Variants in TMEM260 observed in about 807,000 individuals in gnomAD.
TMEM260 encodes the protein transmembrane protein 260, also known as protein O-mannosyl-transferase TMEM260.
TMEM260 carries 82 observed loss-of-function variants against 88.9 expected under a neutral mutation model. The observed-to-expected ratio is 0.92, with a 90% confidence interval of 0.77 to 1.11. TMEM260 has a LOEUF of 1.11. TMEM260 is among the 50% of genes least tolerant of loss of function. The pLI is 0.00. For synonymous variants in TMEM260, 314 were observed against 309.3 expected (o/e 1.02, Z -0.16); for missense variants, 902 against 853.4 (o/e 1.06, Z -0.71).
intron 15 of TMEM260, 43 bp from the exon 16 acceptor site, chr14:56,647,200 C>G (rs1890020673): frequency 6.6e-7 from 1 of 1,512,270 alleles, no homozygotes; most frequent in African/African-American, 1.4e-5. Context: ...AAAAAAAAGT[C>G]AAAGAATAAC....
downstream of TMEM260, among the ~76,000 whole-genome samples, chr14:56,652,020 T>C (rs1890216055): frequency 6.6e-6 from 1 of 152,224 alleles, no homozygotes; most frequent in Admixed American, 6.5e-5. Context: ...AATATTCCCT[T>C]AGATAGTTGA....
intron 7 of TMEM260, among the ~76,000 whole-genome samples, chr14:56,614,963 G>A (rs979069318): frequency 1.3e-5 from 2 of 152,106 alleles, no homozygotes; most frequent in African/African-American, 2.4e-5. Flanking sequence ...TCCTGTACAA[G>A]GAAATTATTG....
At chr14:56,610,962 TC>T (rs1887224506) in intron 6 of TMEM260, among the ~76,000 whole-genome samples, 1 of 146,926 alleles carries the variant, frequency 6.8e-6, no homozygotes, top group African/African-American at 2.6e-5. Context: ...TTTCTTTCTT[TC>T]TTTCTTTTTT....
chr14:56,596,425 T>C (rs199897917), intron 3 of TMEM260, among the ~76,000 whole-genome samples: 42,527 of 135,050 alleles, frequency 0.31, 7,063 homozygotes, highest in South Asian at 0.37. Context: ...TATATATATA[T>C]ACATACACAC....
intron 3 of TMEM260, among the ~76,000 whole-genome samples, chr14:56,592,570 TG>T (rs1885931624): frequency 3.9e-5 from 6 of 152,298 alleles, no homozygotes; most frequent in Admixed American, 3.9e-4. Flanking sequence ...TACATGGTGT[TG>T]ATTATATGAA....
At position 56,585,024 on chromosome 14, in the gene TMEM260, G is replaced by T; in HGVS notation, c.184G>T (p.Glu62Ter). The change falls in exon 2 of 16, where the codon GAG becomes TAG. Residue 62 changes from glutamate to a stop codon, truncating the protein, a stop_gained. Transcript: ENST00000261556. LOFTEE classifies it high-confidence loss of function. ...DSGELITAAH[E>*]LGVAHPPGYP... ...AGGGGAACTGATCACAGCCGCACATGAGCTTGGAGTAAGTATTAGTTTTAT... is the reference window on the plus strand; with the variant it reads ...AGGGGAACTGATCACAGCCGCACATTAGCTTGGAGTAAGTATTAGTTTTAT... 1.9e-6 allele frequency: 3 copies of T among 1,612,148 alleles called. No individual in the cohort carries two copies. The highest frequency in any genetic ancestry group is 2.5e-6 in the Non-Finnish European group (3 of 1,178,930).
intron 11 of TMEM260, among the ~76,000 whole-genome samples, chr14:56,622,602 CT>C (rs901040117): frequency 4.0e-5 from 6 of 150,692 alleles, no homozygotes; most frequent in Non-Finnish European, 8.9e-5. Flanking sequence ...GCTATGAAAA[CT>C]TTTTTTTTCA....
At chr14:56,582,082 C>T (rs950017710) in intron 1 of TMEM260, among the ~76,000 whole-genome samples, 1 of 152,112 alleles carries the variant, frequency 6.6e-6, no homozygotes, top group East Asian at 1.9e-4. Flanking sequence ...AAACTGTTTT[C>T]CAAGTATATG....
At chr14:56,661,054 A>G in the TMEM260 span, among the ~76,000 whole-genome samples, 1 of 152,240 alleles carries the variant, frequency 6.6e-6, no homozygotes, top group Non-Finnish European at 1.5e-5. Flanking sequence ...ACAACATAAT[A>G]AAACCAAACA....
At chr14:56,605,317 G>C (rs1026161687) in intron 4 of TMEM260, among the ~76,000 whole-genome samples, 1 of 152,020 alleles carries the variant, frequency 6.6e-6, no homozygotes, top group African/African-American at 2.4e-5. Flanking sequence ...TTATCATACA[G>C]GATTTTCTAA....
Position 56,647,223 on chromosome 14 carries a change from A to G in TMEM260, c.1870-20A>G, listed in dbSNP as rs1033535608. ...GTCAAAGAATAACAATGGAATACCA[A>G]CATTTCTGCTGTTTTCTAGCTTTAT... is the stretch of plus-strand genomic sequence containing the variant. On this transcript the variant is annotated intron_variant, in intron 15 of 15. Coordinates refer to ENST00000261556, the MANE Select transcript of TMEM260 (RefSeq NM_017799.4). 2.5e-5 allele frequency: 40 copies of G among 1,578,436 alleles called. No homozygotes were observed. In the Middle Eastern group the frequency reaches 6.8e-4, roughly 27 times the overall value.
Position 56,609,144 on chromosome 14 carries a change from C to T in TMEM260, c.675C>T (p.Tyr225=). The stretch of plus-strand genomic sequence containing the variant: ...GCTCTTTGTTGAAGTTGAGCCTGTA[C>T]TTCTCTGCTGGTTTGCTGCCCTATG... ...SLGSLLKLSL[Y]FSAGLLPYVH... The change falls in exon 6 of 16, where the codon TAC becomes TAT. Residue 225 remains tyrosine (Y), a synonymous_variant. Transcript: ENST00000261556. The T allele has an allele frequency of 1.2e-6, 2 of 1,614,164 alleles. No individual in the cohort carries two copies. The highest frequency in any genetic ancestry group is 1.7e-6 in the Non-Finnish European group (2 of 1,180,022).
chr14:56,580,153 T>TA (rs1359250246), intron 1 of TMEM260, 79 bp downstream of exon 1: 1 of 1,180,546 alleles, frequency 8.5e-7, no homozygotes, highest in African/African-American at 1.6e-5. Flanking sequence ...TGGCCCCTGC[T>TA]CTTGGCATTC....
intron 13 of TMEM260, 87 bp downstream of exon 13, chr14:56,633,258 AT>A (rs60675114): frequency 0.047 from 41,886 of 898,506 alleles, 518 homozygotes; most frequent in East Asian, 0.16. Context: ...ATGCCTTCTA[AT>A]TTTTTTTTTT....
At chr14:56,658,089 C>T in the TMEM260 span, among the ~76,000 whole-genome samples, 1 of 152,124 alleles carries the variant, frequency 6.6e-6, no homozygotes, top group Non-Finnish European at 1.5e-5. Flanking sequence ...AAAGCCACCA[C>T]GCAAATTTCT....
At chr14:56,599,041 C>T (rs1440447743) in intron 3 of TMEM260, among the ~76,000 whole-genome samples, 5 of 152,174 alleles carry the variant, frequency 3.3e-5, no homozygotes, top group African/African-American at 1.2e-4. Flanking sequence ...CCACTTTTCA[C>T]TCCCTGGTAT....
At chr14:56,597,742 G>A (rs963858111) in intron 3 of TMEM260, among the ~76,000 whole-genome samples, 1 of 152,116 alleles carries the variant, frequency 6.6e-6, no homozygotes, top group South Asian at 2.1e-4. Flanking sequence ...AAATGGGATG[G>A]TGGTGGTATG....
downstream of TMEM260, among the ~76,000 whole-genome samples, chr14:56,653,131 T>C (rs563283886): frequency 7.9e-5 from 12 of 151,624 alleles, no homozygotes; most frequent in Non-Finnish European, 5.9e-5. Flanking sequence ...CCGTCTCTAC[T>C]AAAAAATACA....
chr14:56,595,424 T>G (rs755796615), intron 3 of TMEM260, among the ~76,000 whole-genome samples: 13 of 152,226 alleles, frequency 8.5e-5, no homozygotes, highest in African/African-American at 1.2e-4. Flanking sequence ...TTAAGGAACC[T>G]TCTTTACAAA....
Sources: gnomAD v4.1 joint callset for allele counts (sites outside exome capture counted in the v4.1 genomes callset) on GRCh38, gnomAD v4.1.1 for gene constraint, MANE v1.5 for transcripts, NCBI Gene and HGNC (gene_info 2026-07-23, HGNC 2026-07-21) for gene names.